Variants in PARD3 observed in about 807,000 individuals in gnomAD.
PARD3 encodes partitioning defective 3 homolog.
PARD3 carries 75 observed loss-of-function variants against 155.4 expected under a neutral mutation model. The observed-to-expected ratio is 0.48, with a 90% CI of 0.40 to 0.58. PARD3 has a LOEUF of 0.58. PARD3 is among the 20% of genes least tolerant of loss of function. PARD3 has a pLI of 0.00. For missense variants in PARD3, 1,642 were observed against 1,721.7 expected, an observed-to-expected ratio of 0.95 and a Z score of 0.82; for synonymous variants, 576 against 610.5, an observed-to-expected ratio of 0.94 and a Z score of 0.83.
intron 13 of PARD3, 55 bp downstream of exon 13, chr10:34,360,016 G>T: frequency 1.5e-6 from 2 of 1,342,088 alleles, no homozygotes; most frequent in Non-Finnish European, 2.1e-6. Context: ...ATAGGAACAG[G>T]GTTGAAATTA....
intron 2 of PARD3, among the ~76,000 whole-genome samples, chr10:34,657,512 C>G (rs930308725): frequency 1.1e-4 from 17 of 149,792 alleles, no homozygotes; most frequent in Admixed American, 6.6e-5. Context: ...TGTCACCTTT[C>G]TGCTTCTCAG....
intron 3 of PARD3, among the ~76,000 whole-genome samples, chr10:34,477,792 T>A (rs1348929937): frequency 2.0e-5 from 3 of 152,198 alleles, no homozygotes; most frequent in African/African-American, 7.2e-5. Context: ...AATCTAAATA[T>A]AATATGCAGT....
chr10:34,231,278 A>AAG (rs1952917006), intron 22 of PARD3, among the ~76,000 whole-genome samples: 1 of 150,736 alleles, frequency 6.6e-6, no homozygotes, highest in Admixed American at 6.6e-5. Context: ...AAAAAAAAAA[A>AAG]AAAAAAAAAA....
chr10:34,320,481 A>ACTAT (rs1481256800), intron 19 of PARD3, among the ~76,000 whole-genome samples: 3 of 152,188 alleles, frequency 2.0e-5, no homozygotes, highest in Non-Finnish European at 2.9e-5. Context: ...CATGAATGGA[A>ACTAT]CTATCAGTAG....
chr10:34,487,021 C>G (rs1247594444), intron 3 of PARD3, among the ~76,000 whole-genome samples: 1 of 151,962 alleles, frequency 6.6e-6, no homozygotes, highest in Admixed American at 6.6e-5. Context: ...TTTTGTAAAC[C>G]ACAAATCAGA....
chr10:34,267,063 T>C (rs1955350986), intron 22 of PARD3, among the ~76,000 whole-genome samples: 1 of 152,120 alleles, frequency 6.6e-6, no homozygotes, highest in African/African-American at 2.4e-5. Context: ...TCAAAGTGGA[T>C]GTGGAAGGTG....
chr10:34,294,340 T>A (rs988995666), intron 20 of PARD3, among the ~76,000 whole-genome samples: 7 of 152,218 alleles, frequency 4.6e-5, no homozygotes, highest in African/African-American at 1.4e-4. Flanking sequence ...CCTTCAAATA[T>A]TTTCTTACCC....
intron 12 of PARD3, 131 bp from the exon 13 acceptor site, chr10:34,360,390 G>A (rs1839328766): frequency 1.6e-6 from 1 of 624,778 alleles, no homozygotes; most frequent in South Asian, 2.2e-5. Flanking sequence ...TCCACAGCAA[G>A]ATCCATGAAA....
intron 2 of PARD3, among the ~76,000 whole-genome samples, chr10:34,552,792 G>A (rs2084691026): frequency 6.6e-6 from 1 of 151,582 alleles, no homozygotes; most frequent in African/African-American, 2.4e-5. Flanking sequence ...CTAATTTTAA[G>A]TTTGAAGAGA....
chr10:34,591,302 ATAAT>A, intron 2 of PARD3, among the ~76,000 whole-genome samples: 1 of 152,304 alleles, frequency 6.6e-6, no homozygotes, highest in East Asian at 1.9e-4. Context: ...GTAAGTGTTT[ATAAT>A]TAGTAAATAT....
intron 22 of PARD3, among the ~76,000 whole-genome samples, chr10:34,233,687 C>T (rs1025482126): frequency 3.9e-5 from 6 of 152,064 alleles, no homozygotes; most frequent in African/African-American, 1.5e-4. Context: ...ATTTCCTACC[C>T]AATAAGCATC....
intron 2 of PARD3, among the ~76,000 whole-genome samples, chr10:34,686,263 G>A (rs1318859747): frequency 1.3e-5 from 2 of 151,912 alleles, no homozygotes; most frequent in African/African-American, 4.8e-5. Context: ...TTACAACCTC[G>A]GTCCTTGTGC....
At chr10:34,504,275 T>C (rs1162881612) in intron 3 of PARD3, among the ~76,000 whole-genome samples, 1 of 151,844 alleles carries the variant, frequency 6.6e-6, no homozygotes, top group Non-Finnish European at 1.5e-5. Context: ...AGCCACCAGG[T>C]ACAGCTATTT....
At chr10:34,751,372 A>C (rs1393596712) in intron 1 of PARD3, among the ~76,000 whole-genome samples, 4 of 152,224 alleles carry the variant, frequency 2.6e-5, no homozygotes, top group Non-Finnish European at 5.9e-5. Context: ...CTCAGATATT[A>C]ATCTGCCATG....
intron 7 of PARD3, among the ~76,000 whole-genome samples, chr10:34,396,627 A>T (rs1843375378): frequency 6.6e-6 from 1 of 152,216 alleles, no homozygotes; most frequent in Admixed American, 6.5e-5. Context: ...TATAAAAGTA[A>T]GTATTCAGTA....
intron 1 of PARD3, among the ~76,000 whole-genome samples, chr10:34,711,172 T>TA (rs1031220252): frequency 4.0e-5 from 6 of 151,214 alleles, no homozygotes; most frequent in African/African-American, 1.2e-4. Flanking sequence ...CCCAAACCCC[T>TA]AAAAAAAAGT....
At chr10:34,432,972 C>T (rs948117605) in intron 5 of PARD3, among the ~76,000 whole-genome samples, 4 of 152,182 alleles carry the variant, frequency 2.6e-5, no homozygotes, top group African/African-American at 4.8e-5. Flanking sequence ...AAAGCTTCTC[C>T]AGGGTGCCAC....
intron 22 of PARD3, among the ~76,000 whole-genome samples, chr10:34,252,140 T>C (rs555958593): frequency 1.4e-4 from 22 of 152,238 alleles, no homozygotes; most frequent in African/African-American, 5.3e-4. Context: ...AGAGCTGCAC[T>C]TTTAAATTAC....
rs2086101378 is a variant in PARD3, at chr10:34,568,061, C to T, written c.223-50902G>A. ...GGCAGCTTTCTTCCTGTGGGGTAATCGAATATTCTGCTCTCTCACCTCTGC... is the reference window on the plus strand; with the variant it reads ...GGCAGCTTTCTTCCTGTGGGGTAATTGAATATTCTGCTCTCTCACCTCTGC... On this transcript the variant is annotated intron_variant, in intron 2 of 24. Coordinates refer to ENST00000374788, the MANE Select transcript of PARD3 (RefSeq NM_001184785.2). 3.3e-5 allele frequency among the ~76,000 whole-genome samples: 5 copies of T among 152,318 alleles called. No homozygotes were observed. In the South Asian group the frequency reaches 8.3e-4, roughly 25 times the overall value.
Sources: gnomAD v4.1 joint callset for allele counts (sites outside exome capture counted in the v4.1 genomes callset) on GRCh38, gnomAD v4.1.1 for gene constraint, MANE v1.5 for transcripts, NCBI Gene and HGNC (gene_info 2026-07-23, HGNC 2026-07-21) for gene names.